Variants in ZBBX observed in about 807,000 individuals in gnomAD.
ZBBX encodes the protein zinc finger B-box domain containing.
Under a neutral mutation model 108.5 loss-of-function variants are expected in ZBBX, and 101 were observed. The ratio of observed to expected loss-of-function variants is 0.93; its 90% CI spans 0.79 to 1.10. The LOEUF (loss-of-function observed/expected upper bound fraction) is 1.10. Among genes scored for constraint, ZBBX ranks in the 50% least tolerant of loss-of-function variants. ZBBX has a pLI of 0.00. For missense variants in ZBBX, 1,009 were observed against 941.4 expected (o/e 1.07, Z -0.94); for synonymous variants, 356 against 323.4 (o/e 1.10, Z -1.08).
At chr3:167,232,176 G>A in the ZBBX span, among the ~76,000 whole-genome samples, 1 of 151,750 alleles carries the variant, frequency 6.6e-6, no homozygotes, top group Non-Finnish European at 1.5e-5. Flanking sequence ...TTAACTTTAT[G>A]TCAAAACTGT....
chr3:167,186,958 G>A, the ZBBX span, among the ~76,000 whole-genome samples: 1 of 151,970 alleles, frequency 6.6e-6, no homozygotes, highest in Non-Finnish European at 1.5e-5. Flanking sequence ...TTATTTCCAA[G>A]GTGAGGATGA....
chr3:167,374,688 G>A (rs894849851), intron 2 of ZBBX, among the ~76,000 whole-genome samples: 39 of 152,078 alleles, frequency 2.6e-4, no homozygotes, highest in Admixed American at 6.5e-4. Context: ...AAATGGTTTA[G>A]AGTCAAATAG....
the ZBBX span, among the ~76,000 whole-genome samples, chr3:167,227,216 G>A: frequency 6.6e-6 from 1 of 151,700 alleles, no homozygotes; most frequent in South Asian, 2.1e-4. Context: ...TACAATGTAG[G>A]TGCTAAATAA....
intron 20 of ZBBX, among the ~76,000 whole-genome samples, chr3:167,279,551 G>C (rs1443080391): frequency 3.3e-5 from 5 of 149,784 alleles, no homozygotes; most frequent in African/African-American, 1.2e-4. Context: ...GGATGTGAAG[G>C]ACCTCTTCAA....
intron 1 of ZBBX, among the ~76,000 whole-genome samples, chr3:167,396,071 G>A (rs1226407651): frequency 6.6e-6 from 1 of 151,922 alleles, no homozygotes; most frequent in Non-Finnish European, 1.5e-5. Context: ...TGTTTTCCTG[G>A]CAAAATTTCT....
At chr3:167,232,075 G>GTT in the ZBBX span, among the ~76,000 whole-genome samples, 1 of 151,726 alleles carries the variant, frequency 6.6e-6, no homozygotes, top group Admixed American at 6.6e-5. Flanking sequence ...TTTACTCAAA[G>GTT]AAGTCTCAGT....
At chr3:167,391,991 T>C (rs967733084) in intron 1 of ZBBX, among the ~76,000 whole-genome samples, 14 of 151,812 alleles carry the variant, frequency 9.2e-5, no homozygotes, top group African/African-American at 3.4e-4. Context: ...AATATAGATA[T>C]ATTTATCTAT....
chr3:167,351,964 T>C (rs1474046215), intron 8 of ZBBX, among the ~76,000 whole-genome samples: 1 of 152,136 alleles, frequency 6.6e-6, no homozygotes, highest in African/African-American at 2.4e-5. Context: ...TAGCCATCGC[T>C]GACCCACCAG....
the ZBBX span, among the ~76,000 whole-genome samples, chr3:167,180,379 A>G: frequency 6.6e-6 from 1 of 152,218 alleles, no homozygotes; most frequent in East Asian, 1.9e-4. Flanking sequence ...TAATGTTTTC[A>G]ATTGATCCCT....
At chr3:167,316,092 C>A (rs1437231574) in intron 14 of ZBBX, among the ~76,000 whole-genome samples, 1 of 152,012 alleles carries the variant, frequency 6.6e-6, no homozygotes, top group South Asian at 2.1e-4. Flanking sequence ...CTACTACCTG[C>A]CAAGTAGATT....
chr3:167,363,126 T>TC (rs1744786601), intron 6 of ZBBX, among the ~76,000 whole-genome samples: 1 of 151,930 alleles, frequency 6.6e-6, no homozygotes, highest in Non-Finnish European at 1.5e-5. Context: ...AGTGCCAACC[T>TC]CAATCACCTT....
At chr3:167,394,093 T>A (rs2108638515) in intron 1 of ZBBX, among the ~76,000 whole-genome samples, 1 of 152,062 alleles carries the variant, frequency 6.6e-6, no homozygotes, top group Non-Finnish European at 1.5e-5. Flanking sequence ...TCTATTTATA[T>A]AACTAATACT....
the ZBBX span, among the ~76,000 whole-genome samples, chr3:167,190,086 A>G: frequency 6.6e-6 from 1 of 152,244 alleles, no homozygotes; most frequent in African/African-American, 2.4e-5. Flanking sequence ...TTTCCTTTTT[A>G]TCACAAACAA....
intron 21 of ZBBX, 66 bp from the exon 22 acceptor site, chr3:167,240,985 C>A: frequency 6.4e-7 from 1 of 1,562,346 alleles, no homozygotes. Context: ...CATTTATCTT[C>A]TGATCAATAC....
At chr3:167,293,841 G>A (rs1170038263) in intron 18 of ZBBX, among the ~76,000 whole-genome samples, 1 of 152,136 alleles carries the variant, frequency 6.6e-6, no homozygotes, top group Non-Finnish European at 1.5e-5. Flanking sequence ...AGCAACTTCA[G>A]CAAAGTCTCA....
At chr3:167,332,290 A>ACAAAC (rs1738776504) in intron 10 of ZBBX, among the ~76,000 whole-genome samples, 5 of 148,862 alleles carry the variant, frequency 3.4e-5, no homozygotes, top group South Asian at 2.1e-4. Flanking sequence ...CACACACACA[A>ACAAAC]ACACACACAC....
chr3:167,266,100 T>C (rs987901342), intron 20 of ZBBX, among the ~76,000 whole-genome samples: 2 of 152,204 alleles, frequency 1.3e-5, no homozygotes, highest in Non-Finnish European at 2.9e-5. Context: ...TGCTTTCCTA[T>C]GTGTAGACAG....
At chr3:167,180,443 A>G in the ZBBX span, among the ~76,000 whole-genome samples, 1 of 152,212 alleles carries the variant, frequency 6.6e-6, no homozygotes, top group African/African-American at 2.4e-5. Flanking sequence ...AACATTCCTA[A>G]GTAGGAGTAA....
At chr3:167,183,246 C>G in the ZBBX span, among the ~76,000 whole-genome samples, 1 of 152,186 alleles carries the variant, frequency 6.6e-6, no homozygotes, top group South Asian at 2.1e-4. Context: ...CAAGGTGGAA[C>G]CAACCAGAGC....
Sources: gnomAD v4.1 joint callset for allele counts (sites outside exome capture counted in the v4.1 genomes callset) on GRCh38, gnomAD v4.1.1 for gene constraint, MANE v1.5 for transcripts, NCBI Gene and HGNC (gene_info 2026-07-23, HGNC 2026-07-21) for gene names.